ZER1: variants seen among roughly 807,000 people sequenced by gnomAD.
The protein encoded by ZER1 is zyg-11 related cell cycle regulator.
ZER1 carries 11 observed loss-of-function variants against 78.8 expected under a neutral mutation model. That is an observed-to-expected ratio of 0.14 (90% CI 0.09 to 0.23). ZER1 has a LOEUF of 0.23. Among genes scored for constraint, ZER1 ranks in the 10% least tolerant of loss-of-function variants. The pLI is 1.00. For synonymous variants in ZER1, 400 were observed against 407.0 expected (o/e 0.98, Z 0.21); for missense variants, 588 against 996.9 (o/e 0.59, Z 5.52).
At chr9:128,744,483 CTTT>C (rs745822457) in intron 8 of ZER1, among the ~76,000 whole-genome samples, 1 of 135,436 alleles carries the variant, frequency 7.4e-6, no homozygotes, top group Non-Finnish European at 1.6e-5. Context: ...CGTGCAGGGC[CTTT>C]TTTTTTTTTT....
rs1456804117 is a variant in ZER1, at chr9:128,731,322, T to C, written c.*15A>G. The C allele has an allele frequency of 6.3e-7, 1 of 1,578,318 alleles. No individual in the cohort carries two copies. Among genetic ancestry groups the C allele is most frequent in the Admixed American group, 1.7e-5 (1 of 58,194 alleles). On this transcript the variant is annotated 3_prime_UTR_variant, in exon 16 of 16. Coordinates refer to ENST00000291900, the MANE Select transcript of ZER1 (RefSeq NM_006336.4). ...CTGTGGTCCAGAGCGGTGGCGGCCA[T>C]GGGGACGGAGGCCTCTATCTAGACG...
rs1014618294 is a variant in ZER1, at chr9:128,741,852, G to A, written c.1576-11C>T. On this transcript the variant is annotated splice_polypyrimidine_tract_variant and intron_variant, in intron 9 of 15. Coordinates refer to ENST00000291900, the MANE Select transcript of ZER1 (RefSeq NM_006336.4). ...CAGCTTCAGCATGGTCTGCAGGCAGGGACAAGAGTCTGCTAGAGTGCTGGG... is the reference window on the plus strand; with the variant it reads ...CAGCTTCAGCATGGTCTGCAGGCAGAGACAAGAGTCTGCTAGAGTGCTGGG... 5 of 1,614,074 alleles carry A rather than the reference G, an allele frequency of 3.1e-6. No homozygotes were observed. The highest frequency in any genetic ancestry group is 2.7e-5 in the African/African-American group (2 of 74,928).
chr9:128,760,211 T>C (rs1028154190), intron 1 of ZER1, among the ~76,000 whole-genome samples: 5 of 151,062 alleles, frequency 3.3e-5, no homozygotes, highest in Non-Finnish European at 5.9e-5. Flanking sequence ...TAAAAGTTTT[T>C]TATTTTTTTG....
At position 128,729,889 on chromosome 9, in the gene ZER1, T is replaced by TGGCCGG. The variant is rs908391869; in HGVS notation, c.*1442_*1447dup. The stretch of plus-strand genomic sequence containing the variant: ...ATGAGGTGTGAAGTCTGCCAGGGTC[T>TGGCCGG]GGCCGGGGCCGCTGAGCGTGGGAAG... On this transcript the variant is annotated 3_prime_UTR_variant, in exon 16 of 16. Coordinates refer to ENST00000291900, the MANE Select transcript of ZER1 (RefSeq NM_006336.4). 3 of 152,620 alleles carry TGGCCGG rather than the reference T, an allele frequency of 2.0e-5. No homozygotes were observed. Among genetic ancestry groups the TGGCCGG allele is most frequent in the Non-Finnish European group, 4.4e-5 (3 of 68,136 alleles). 9.5% of individuals were successfully genotyped at this position (152,620 alleles called of 1,614,324 possible). A position where few individuals can be genotyped will look rare whatever the true frequency, so the allele number is the denominator to read the frequency against.
intron 13 of ZER1, 92 bp downstream of exon 13, chr9:128,739,839 G>A: frequency 6.9e-7 from 1 of 1,451,314 alleles, no homozygotes; most frequent in South Asian, 1.3e-5. Context: ...AAGGAAGGTG[G>A]GAGCTCTGAG....
intron 8 of ZER1, among the ~76,000 whole-genome samples, chr9:128,744,179 G>T (rs1288754914): frequency 6.6e-6 from 1 of 151,878 alleles, no homozygotes; most frequent in Non-Finnish European, 1.5e-5. Flanking sequence ...TTACAGGCAT[G>T]AGCCACTGTG....
rs1044755655 is a variant in ZER1, at chr9:128,742,426, C to T, written c.1575+104G>A. 51 of 1,363,554 alleles carry T rather than the reference C, an allele frequency of 3.7e-5. 1 individual carries two copies. Among genetic ancestry groups the T allele is most frequent in the African/African-American group, 1.4e-4 (10 of 69,992 alleles). 84.5% of individuals were successfully genotyped at this position (1,363,554 alleles called of 1,614,324 possible). On this transcript the variant is annotated intron_variant, in intron 9 of 15. Coordinates refer to ENST00000291900, the MANE Select transcript of ZER1 (RefSeq NM_006336.4). ...CATGCTTCAGCACACTCTCCCTCTCCGACTCCCAGCCCCAGGCCCTGCTCT... is the reference window on the plus strand; with the variant it reads ...CATGCTTCAGCACACTCTCCCTCTCTGACTCCCAGCCCCAGGCCCTGCTCT...
At position 128,751,592 on chromosome 9, in the gene ZER1, G is replaced by T. The variant is rs555683145; in HGVS notation, c.924-65C>A. 1.5e-6 allele frequency: 2 copies of T among 1,341,448 alleles called. No homozygotes were observed. The highest frequency in any genetic ancestry group is 2.4e-5 in the South Asian group (2 of 85,036). The allele number at this position is 1,341,448 out of a possible 1,614,324, so 83.1% of individuals were successfully genotyped here. The stretch of plus-strand genomic sequence containing the variant: ...AGGCCTGAGCTGGGCCTCCCCACTG[G>T]GGGTGGTGAGGCATTTCCTTGCTTT... On this transcript the variant is annotated intron_variant, in intron 5 of 15. Coordinates refer to ENST00000291900, the MANE Select transcript of ZER1 (RefSeq NM_006336.4). The surrounding 1 kb of genome is among the most constrained non-coding windows in gnomAD (Gnocchi z 5.4).
At chr9:128,748,688 C>A (rs1212155478) in intron 8 of ZER1, among the ~76,000 whole-genome samples, 1 of 151,964 alleles carries the variant, frequency 6.6e-6, no homozygotes, top group East Asian at 2.0e-4. Flanking sequence ...TCTCCTGCCT[C>A]AGCCTCCCAG....
intron 8 of ZER1, among the ~76,000 whole-genome samples, chr9:128,744,226 T>G (rs1414385701): frequency 6.6e-6 from 1 of 151,408 alleles, no homozygotes; most frequent in Non-Finnish European, 1.5e-5. Context: ...CTCGCTCTGT[T>G]GCCAAGCTGG....
intron 8 of ZER1, among the ~76,000 whole-genome samples, chr9:128,748,302 G>A (rs1363327942): frequency 1.3e-5 from 2 of 151,480 alleles, no homozygotes; most frequent in Non-Finnish European, 2.9e-5. Flanking sequence ...CTACTCGGGA[G>A]GCTGAGGCAG....
At chr9:128,743,994 G>A (rs765677384) in intron 8 of ZER1, among the ~76,000 whole-genome samples, 2 of 147,318 alleles carry the variant, frequency 1.4e-5, no homozygotes, top group Non-Finnish European at 3.0e-5. Flanking sequence ...TGCCTGTGGC[G>A]TTCAAGCAAT....
chr9:128,759,711 C>A (rs1448892527), intron 1 of ZER1, among the ~76,000 whole-genome samples: 1 of 151,538 alleles, frequency 6.6e-6, no homozygotes, highest in African/African-American at 2.4e-5. Context: ...AGGAGAATGG[C>A]GTGAACCCAG....
chr9:128,741,685 C>G, intron 10 of ZER1, 31 bp from the exon 11 acceptor site: 1 of 1,614,058 alleles, frequency 6.2e-7, no homozygotes, highest in African/African-American at 1.3e-5. Flanking sequence ...TCAGCCAAGG[C>G]TCCTGGTACC....
At chr9:128,764,946 A>G (rs924775628) in intron 1 of ZER1, among the ~76,000 whole-genome samples, 3 of 152,134 alleles carry the variant, frequency 2.0e-5, no homozygotes, top group Admixed American at 6.6e-5. Flanking sequence ...GAGAAGAGAG[A>G]GAAAAACAGC....
At chr9:128,750,001 C>T (rs1208776090) in intron 8 of ZER1, among the ~76,000 whole-genome samples, 1 of 152,178 alleles carries the variant, frequency 6.6e-6, no homozygotes, top group Non-Finnish European at 1.5e-5. Flanking sequence ...CGAGATTGTG[C>T]CATTGCACTC....
At chr9:128,744,369 T>A (rs1334477899) in intron 8 of ZER1, among the ~76,000 whole-genome samples, 1 of 151,330 alleles carries the variant, frequency 6.6e-6, no homozygotes, top group South Asian at 2.1e-4. Context: ...TTTTTTTGTA[T>A]TTTTAGTAGA....
intron 1 of ZER1, among the ~76,000 whole-genome samples, chr9:128,768,526 C>T (rs1185543788): frequency 6.6e-6 from 1 of 152,182 alleles, no homozygotes; most frequent in Non-Finnish European, 1.5e-5. Context: ...AGCAAGCCAA[C>T]AGCAGAGCCG....
rs1194193348 is a variant in ZER1 at position 128,733,491 on chromosome 9, C to T, written c.2178G>A (p.Gly726=). The change falls in exon 15 of 16, where the codon GGG becomes GGA. Residue 726 remains glycine, a synonymous_variant. Coordinates refer to ENST00000291900, the MANE Select transcript of ZER1 (RefSeq NM_006336.4). ...KYCPLLIKEG[G]MPLLRDIIKM... ...TAATTATGTCCCTCAGAAGGGGCAT[C>T]CCCCCTTCTTTGATCAGCAGAGGGC... 2 of 1,613,620 alleles carry T rather than the reference C, an allele frequency of 1.2e-6. No homozygotes were observed. The highest frequency in any genetic ancestry group is 1.3e-5 in the African/African-American group (1 of 74,892).
Sources: gnomAD v4.1 joint callset for allele counts (sites outside exome capture counted in the v4.1 genomes callset) on GRCh38, gnomAD v4.1.1 for gene constraint, Gnocchi (gnomAD v3.1) non-coding constraint, MANE v1.5 for transcripts, NCBI Gene and HGNC (gene_info 2026-07-23, HGNC 2026-07-21) for gene names.